Variants in SOX5 observed in about 807,000 individuals in gnomAD.
SOX5 encodes transcription factor SOX-5.
A neutral mutation model predicts 92.0 loss-of-function variants in SOX5; 9 were observed. The ratio of observed to expected loss-of-function variants is 0.10; its 90% CI spans 0.06 to 0.17. The LOEUF (loss-of-function observed/expected upper bound fraction) is 0.17. Ranked by LOEUF, SOX5 falls within the 10% of genes least tolerant of loss-of-function variation. The pLI, the probability that SOX5 is intolerant of heterozygous loss-of-function variation, is 1.00. For missense variants in SOX5, 642 were observed against 944.5 expected (o/e 0.68, Z 4.20); for synonymous variants, 344 against 336.3 (o/e 1.02, Z -0.25).
intron 3 of SOX5, among the ~76,000 whole-genome samples, chr12:23,793,656 T>C (rs957608986): frequency 9.9e-5 from 15 of 152,148 alleles, no homozygotes; most frequent in Non-Finnish European, 2.2e-4. Context: ...GTGGGGAAGC[T>C]CTAAGAAGCC....
intron 2 of SOX5, among the ~76,000 whole-genome samples, chr12:24,290,072 A>G (rs1946445048): frequency 6.6e-6 from 1 of 152,190 alleles, no homozygotes; most frequent in South Asian, 2.1e-4. Context: ...CCAAAAGTCT[A>G]GTGTCTTCTG....
intron 3 of SOX5, among the ~76,000 whole-genome samples, chr12:24,275,753 C>T (rs1035031959): frequency 6.6e-5 from 10 of 152,126 alleles, no homozygotes; most frequent in Non-Finnish European, 8.8e-5. Flanking sequence ...ACATAGAATG[C>T]TTTGACAACA....
At chr12:24,447,376 C>A (rs1708256877) in intron 1 of SOX5, among the ~76,000 whole-genome samples, 1 of 152,146 alleles carries the variant, frequency 6.6e-6, no homozygotes, top group South Asian at 2.1e-4. Context: ...CAAGCACAGA[C>A]TGAGGGACAT....
chr12:23,894,819 G>A (rs2097161680), intron 2 of SOX5, among the ~76,000 whole-genome samples: 1 of 152,110 alleles, frequency 6.6e-6, no homozygotes, highest in Admixed American at 6.5e-5. Flanking sequence ...TGCCTTTAAA[G>A]GCAGTAGAAT....
chr12:23,902,687 C>T (rs992648513), intron 1 of SOX5, among the ~76,000 whole-genome samples: 9 of 152,016 alleles, frequency 5.9e-5, no homozygotes, highest in African/African-American at 1.9e-4. Flanking sequence ...TGTAGCGTGT[C>T]TTTCATGTAA....
At chr12:23,974,564 C>T (rs905919826) in intron 4 of SOX5, among the ~76,000 whole-genome samples, 1 of 152,120 alleles carries the variant, frequency 6.6e-6, no homozygotes. Context: ...TCTTTCTTTT[C>T]GAAATCTAGA....
At chr12:23,947,371 G>A (rs7971757) in intron 1 of SOX5, among the ~76,000 whole-genome samples, 1 of 151,610 alleles carries the variant, frequency 6.6e-6, no homozygotes. Flanking sequence ...CTAATTATAT[G>A]TGATAGTTTA....
intron 2 of SOX5, among the ~76,000 whole-genome samples, chr12:23,880,638 A>G (rs900422507): frequency 4.6e-5 from 7 of 152,090 alleles, no homozygotes; most frequent in African/African-American, 1.4e-4. Flanking sequence ...GCACCTGGTA[A>G]ACTTTGGGGA....
intron 4 of SOX5, among the ~76,000 whole-genome samples, chr12:24,103,501 T>C (rs1354944625): frequency 6.6e-6 from 1 of 152,106 alleles, no homozygotes; most frequent in Admixed American, 6.5e-5. Context: ...ACTACAGCCA[T>C]ATGCCACCAT....
At chr12:24,207,535 T>A (rs1267142489) in intron 4 of SOX5, among the ~76,000 whole-genome samples, 1 of 152,204 alleles carries the variant, frequency 6.6e-6, no homozygotes, top group Non-Finnish European at 1.5e-5. Flanking sequence ...GATTATATCC[T>A]AGTGAGCCAA....
At chr12:23,838,845 G>GT (rs1555375010) in intron 3 of SOX5, among the ~76,000 whole-genome samples, 4 of 69,772 alleles carry the variant, frequency 5.7e-5, no homozygotes, top group Non-Finnish European at 1.2e-4. Flanking sequence ...TTTTTTTTTG[G>GT]GGGGGGGGGG....
At chr12:24,549,885 G>A (rs925425680) in intron 1 of SOX5, among the ~76,000 whole-genome samples, 14 of 152,188 alleles carry the variant, frequency 9.2e-5, no homozygotes, top group African/African-American at 1.9e-4. Flanking sequence ...GAGCAGAGTC[G>A]AGGGAAAGAT....
At chr12:23,903,489 T>G (rs1349018021) in intron 1 of SOX5, among the ~76,000 whole-genome samples, 1 of 151,962 alleles carries the variant, frequency 6.6e-6, no homozygotes, top group Admixed American at 6.6e-5. Flanking sequence ...GAGGCTGAGG[T>G]GGAGGATTGC....
chr12:24,040,229 T>A (rs1956390863), intron 4 of SOX5, among the ~76,000 whole-genome samples: 1 of 152,178 alleles, frequency 6.6e-6, no homozygotes, highest in Non-Finnish European at 1.5e-5. Context: ...ATGAACAGAA[T>A]TCAGTATTGA....
intron 2 of SOX5, among the ~76,000 whole-genome samples, chr12:24,308,534 C>A (rs751700530): frequency 6.6e-6 from 1 of 152,202 alleles, no homozygotes; most frequent in Non-Finnish European, 1.5e-5. Context: ...GAGGTTGCTG[C>A]AGACCCATTT....
intron 4 of SOX5, among the ~76,000 whole-genome samples, chr12:24,155,821 A>C (rs1273795829): frequency 1.3e-5 from 2 of 152,166 alleles, no homozygotes; most frequent in Non-Finnish European, 2.9e-5. Context: ...GAAGGAGGGC[A>C]GGCCTGCACA....
chr12:23,991,024 C>T lies in SOX5; in HGVS notation c.-1-95000G>A, dbSNP rs150122871. Among the ~76,000 whole-genome samples, 17 of 149,484 alleles carry T rather than the reference C, an allele frequency of 1.1e-4. No homozygotes were observed. The East Asian group carries it at 1.2e-3, about 10-fold the overall frequency. On this transcript the variant is annotated intron_variant, in intron 4 of 4. Transcript: ENST00000446891. The stretch of plus-strand genomic sequence containing the variant: ...ATCCTTTATCCAAAATCCTAGAGGC[C>T]AAATGAGCTTCGTAATACTGAAAAA...
Position 23,881,665 on chromosome 12 carries a change from G to T in SOX5, c.270+14128C>A, listed in dbSNP as rs73267718. On this transcript the variant is annotated intron_variant, in intron 2 of 14. Transcript: ENST00000451604. ...TTTCAAAGCTTCTCTTACTAAGTAAGTTCTGCTTAAAGATTATCCCTAAGA... is the reference window on the plus strand; with the variant it reads ...TTTCAAAGCTTCTCTTACTAAGTAATTTCTGCTTAAAGATTATCCCTAAGA... Among the ~76,000 whole-genome samples the T allele has an allele frequency of 3.4e-3, 517 of 152,272 alleles. 2 individuals carry two copies. The highest frequency in any genetic ancestry group is 0.012 in the African/African-American group (490 of 41,550).
intron 3 of SOX5, among the ~76,000 whole-genome samples, chr12:24,276,570 G>A (rs1200423506): frequency 6.6e-6 from 1 of 152,136 alleles, no homozygotes; most frequent in African/African-American, 2.4e-5. Context: ...CCTGCATGAT[G>A]ACTAGTCAAT....
Sources: gnomAD v4.1 joint callset for allele counts (sites outside exome capture counted in the v4.1 genomes callset) on GRCh38, gnomAD v4.1.1 for gene constraint, MANE v1.5 for transcripts, NCBI Gene and HGNC (gene_info 2026-07-23, HGNC 2026-07-21) for gene names.